The following CLIP4 variants were observed in gnomAD, a reference collection of about 807,000 sequenced individuals.
CLIP4 encodes the protein CAP-Gly domain containing linker protein family member 4.
Under a neutral mutation model 73.1 loss-of-function variants are expected in CLIP4, and 47 were observed. The observed-to-expected ratio is 0.64, with a 90% CI of 0.51 to 0.82. The LOEUF (loss-of-function observed/expected upper bound fraction) is 0.82. CLIP4 is among the 40% of genes least tolerant of loss of function. The probability of loss-of-function intolerance (pLI) is 0.00; values close to 1 mark genes in which losing one functional copy is unlikely to be tolerated. For synonymous variants in CLIP4, 306 were observed against 295.4 expected, an observed-to-expected ratio of 1.04 and a Z score of -0.37; for missense variants, 874 against 852.9, an observed-to-expected ratio of 1.02 and a Z score of -0.31.
chr2:29,101,261 G>T (rs1207573265), intron 1 of CLIP4, among the ~76,000 whole-genome samples: 1 of 142,392 alleles, frequency 7.0e-6, no homozygotes, highest in East Asian at 2.1e-4. Flanking sequence ...CTGCACTCCA[G>T]CCTGGGCAAC....
intron 14 of CLIP4, among the ~76,000 whole-genome samples, chr2:29,169,449 C>T (rs774757641): frequency 6.6e-6 from 1 of 151,584 alleles, no homozygotes; most frequent in Non-Finnish European, 1.5e-5. Flanking sequence ...AACTTAATTA[C>T]TTCCAATTAC....
chr2:29,127,175 T>C (rs933371687), intron 2 of CLIP4, among the ~76,000 whole-genome samples: 2 of 152,106 alleles, frequency 1.3e-5, no homozygotes, highest in Admixed American at 6.5e-5. Flanking sequence ...TTTGATAATA[T>C]CTAAGGGGCT....
intron 3 of CLIP4, 94 bp from the exon 4 acceptor site, chr2:29,132,058 A>G (rs1318792454): frequency 8.4e-6 from 7 of 830,984 alleles, no homozygotes; most frequent in East Asian, 7.3e-5. Context: ...AGTAATTCAG[A>G]TACGATAGAC....
chr2:29,130,555 A>G, intron 2 of CLIP4: 1 of 961,388 alleles, frequency 1.0e-6, no homozygotes, highest in Non-Finnish European at 1.3e-6. Flanking sequence ...GGTTTTCCTG[A>G]GCTGGGGGTG....
At chr2:29,153,448 A>G (rs973333041) in intron 9 of CLIP4, among the ~76,000 whole-genome samples, 1 of 151,968 alleles carries the variant, frequency 6.6e-6, no homozygotes, top group African/African-American at 2.4e-5. Context: ...TCTTATTCAT[A>G]TCCTGTCTCT....
At chr2:29,152,577 G>A in intron 8 of CLIP4, 108 bp from the exon 9 acceptor site, 1 of 1,097,862 alleles carries the variant, frequency 9.1e-7, no homozygotes, top group Non-Finnish European at 1.3e-6. Flanking sequence ...GACATGCAGT[G>A]GGCACTAAAG....
At chr2:29,117,538 G>T (rs1663947197) in intron 1 of CLIP4, among the ~76,000 whole-genome samples, 1 of 152,148 alleles carries the variant, frequency 6.6e-6, no homozygotes, top group South Asian at 2.1e-4. Flanking sequence ...CACCATATTG[G>T]CCAGGGTGGT....
At chr2:29,116,567 ACAG>A (rs553913208) in intron 1 of CLIP4, among the ~76,000 whole-genome samples, 86 of 152,320 alleles carry the variant, frequency 5.6e-4, no homozygotes, top group African/African-American at 1.9e-3. Context: ...AGTCGTCTAA[ACAG>A]CACAGGATCA....
At chr2:29,153,936 C>T (rs1666749790) in intron 9 of CLIP4, among the ~76,000 whole-genome samples, 1 of 152,168 alleles carries the variant, frequency 6.6e-6, no homozygotes, top group African/African-American at 2.4e-5. Context: ...TTACAATAAA[C>T]TGTTAAGTTT....
At chr2:29,124,374 CTTTT>C (rs201333421) in intron 2 of CLIP4, among the ~76,000 whole-genome samples, 6 of 151,716 alleles carry the variant, frequency 4.0e-5, no homozygotes, top group Non-Finnish European at 4.4e-5. Flanking sequence ...GATGTAATGT[CTTTT>C]TTTTGGCTGC....
At chr2:29,132,813 C>G (rs560948316) in intron 4 of CLIP4, among the ~76,000 whole-genome samples, 1 of 152,156 alleles carries the variant, frequency 6.6e-6, no homozygotes, top group East Asian at 1.9e-4. Flanking sequence ...TGAACTGATA[C>G]TTTCACAAAA....
intron 12 of CLIP4, among the ~76,000 whole-genome samples, chr2:29,162,201 T>G (rs1368517773): frequency 2.6e-5 from 4 of 152,228 alleles, no homozygotes; most frequent in Non-Finnish European, 5.9e-5. Context: ...TGATTTCAGT[T>G]TTTAAATTCC....
intron 15 of CLIP4, 115 bp downstream of exon 15, chr2:29,174,560 G>A (rs954675694): frequency 4.3e-5 from 63 of 1,449,660 alleles, no homozygotes; most frequent in African/African-American, 1.9e-4. Flanking sequence ...GTTTTAACAC[G>A]TAGGAGAAAA....
intron 12 of CLIP4, among the ~76,000 whole-genome samples, chr2:29,162,882 A>G (rs913306052): frequency 3.9e-5 from 6 of 152,192 alleles, no homozygotes; most frequent in South Asian, 4.1e-4. Context: ...TAACTCTTTG[A>G]ACTAGTAATC....
intron 12 of CLIP4, among the ~76,000 whole-genome samples, chr2:29,163,014 CAAGTA>C (rs1397479418): frequency 2.6e-5 from 4 of 152,004 alleles, no homozygotes; most frequent in African/African-American, 9.7e-5. Context: ...TTTTAAATCA[CAAGTA>C]AATGGACTAC....
intron 8 of CLIP4, among the ~76,000 whole-genome samples, chr2:29,146,114 G>T (rs777498213): frequency 4.6e-5 from 7 of 152,336 alleles, no homozygotes; most frequent in Non-Finnish European, 8.8e-5. Flanking sequence ...GGTCTCTTGG[G>T]TGGCTTTTAG....
intron 12 of CLIP4, among the ~76,000 whole-genome samples, chr2:29,160,827 G>T: frequency 6.6e-6 from 1 of 152,114 alleles, no homozygotes; most frequent in Non-Finnish European, 1.5e-5. Flanking sequence ...TGAGTTAATT[G>T]TATACCTTTT....
In CLIP4 at chr2:29,131,243, CT is replaced by C. The variant is rs748483674; in HGVS notation, c.134-8del. The stretch of plus-strand genomic sequence containing the variant: ...AACTTTTAGTAAATTTAATTTGCAT[CT>C]TTTTTTATTTCAGAATTTTCTTTCT... On this transcript the variant is annotated splice_polypyrimidine_tract_variant and intron_variant, in intron 2 of 15. Transcript: ENST00000320081. 3 of 1,575,420 alleles carry C rather than the reference CT, an allele frequency of 1.9e-6. No homozygotes were observed. In the Admixed American group the frequency reaches 5.3e-5, roughly 28 times the overall value.
upstream of CLIP4, chr2:29,114,252 T>A (rs1166066225): frequency 6.6e-6 from 1 of 152,222 alleles, no homozygotes; most frequent in African/African-American, 2.4e-5. Context: ...TTCCTGATAA[T>A]CACATTTAAG....
Sources: allele counts gnomAD v4.1 joint callset (sites outside exome capture counted in the v4.1 genomes callset), GRCh38; gene constraint gnomAD v4.1.1; transcripts MANE v1.5; gene names NCBI Gene and HGNC (gene_info 2026-07-23, HGNC 2026-07-21).